Variants in ULK4 observed in about 807,000 individuals in gnomAD.
ULK4 encodes the protein inactive serine/threonine-protein kinase ULK4.
ULK4 carries 133 observed loss-of-function variants against 160.6 expected under a neutral mutation model. That is an observed-to-expected ratio of 0.83 (90% CI 0.72 to 0.96). ULK4 has a LOEUF of 0.96. ULK4 is among the 40% of genes least tolerant of loss of function. ULK4 has a pLI of 0.00. For synonymous variants in ULK4, 534 were observed against 539.8 expected, an observed-to-expected ratio of 0.99 and a Z score of 0.15; for missense variants, 1,580 against 1,499.5, an observed-to-expected ratio of 1.05 and a Z score of -0.89.
intron 35 of ULK4, among the ~76,000 whole-genome samples, chr3:41,288,065 AC>A (rs775577206): frequency 1.1e-4 from 17 of 152,232 alleles, no homozygotes; most frequent in Non-Finnish European, 2.2e-4. Flanking sequence ...TAAAGAGAAC[AC>A]GATGATTTCT....
chr3:41,643,145 T>C (rs2034311720), intron 30 of ULK4, among the ~76,000 whole-genome samples: 1 of 152,198 alleles, frequency 6.6e-6, no homozygotes, highest in South Asian at 2.1e-4. Flanking sequence ...GTAGGTTGCC[T>C]GTTCACTCTG....
At chr3:41,685,857 G>A (rs976230660) in intron 27 of ULK4, among the ~76,000 whole-genome samples, 1 of 151,902 alleles carries the variant, frequency 6.6e-6, no homozygotes, top group African/African-American at 2.4e-5. Flanking sequence ...AACTCTTTTG[G>A]CCTCATGTCA....
intron 32 of ULK4, among the ~76,000 whole-genome samples, chr3:41,511,261 C>T (rs563126696): frequency 1.2e-4 from 18 of 150,204 alleles, no homozygotes; most frequent in African/African-American, 3.7e-4. Flanking sequence ...CAAACCAAAA[C>T]ACAGCAGAAG....
chr3:41,419,964 A>G (rs1310243211), intron 34 of ULK4, among the ~76,000 whole-genome samples: 2 of 151,962 alleles, frequency 1.3e-5, no homozygotes, highest in Non-Finnish European at 2.9e-5. Context: ...AAAGGCTTCC[A>G]TATGCCTCCT....
chr3:41,391,735 T>A (rs2081961104), intron 35 of ULK4, among the ~76,000 whole-genome samples: 2 of 152,004 alleles, frequency 1.3e-5, no homozygotes, highest in Admixed American at 6.6e-5. Context: ...GATACCTATA[T>A]GAGAAATCAG....
chr3:41,830,848 A>C (rs566319957), intron 18 of ULK4, among the ~76,000 whole-genome samples: 58 of 152,064 alleles, frequency 3.8e-4, no homozygotes, highest in African/African-American at 1.4e-3. Context: ...GGGTATACAA[A>C]ACTTGTTAAG....
At chr3:41,262,387 T>C (rs182280018) in intron 35 of ULK4, among the ~76,000 whole-genome samples, 6 of 152,222 alleles carry the variant, frequency 3.9e-5, no homozygotes, top group Non-Finnish European at 8.8e-5. Flanking sequence ...ATTTCCAGAT[T>C]TGGAGATGCA....
chr3:41,878,940 T>C (rs1559624864), intron 17 of ULK4, among the ~76,000 whole-genome samples: 2 of 151,936 alleles, frequency 1.3e-5, no homozygotes, highest in African/African-American at 4.8e-5. Flanking sequence ...AGGGTCCACA[T>C]CTAAGCAGCC....
intron 31 of ULK4, among the ~76,000 whole-genome samples, chr3:41,588,541 A>G (rs1403737542): frequency 6.6e-6 from 1 of 152,214 alleles, no homozygotes; most frequent in Non-Finnish European, 1.5e-5. Context: ...AGAGAGGCCC[A>G]GGTCTCCTGT....
chr3:41,882,950 T>C (rs1054904676), intron 17 of ULK4, among the ~76,000 whole-genome samples: 17 of 152,086 alleles, frequency 1.1e-4, no homozygotes, highest in Admixed American at 5.9e-4. Context: ...CTGGGTACCA[T>C]CAGTAATCAT....
intron 34 of ULK4, among the ~76,000 whole-genome samples, chr3:41,403,385 A>C (rs944218237): frequency 4.6e-5 from 7 of 152,300 alleles, no homozygotes; most frequent in African/African-American, 1.4e-4. Flanking sequence ...TGAACATAAA[A>C]TTGTTCACAG....
In ULK4 at chr3:41,506,767, A is replaced by AAAAAAAAAAAAAAATATAT; in HGVS notation, c.3227-43515_3227-43514insATATATTTTTTTTTTTTTT. 1.6e-4 allele frequency among the ~76,000 whole-genome samples: 9 copies of AAAAAAAAAAAAAAATATAT among 56,792 alleles called. 1 individual carries two copies. The highest frequency in any genetic ancestry group is 8.2e-4 in the East Asian group (1 of 1,216). The allele number at this position is 56,792 out of a possible 152,430, so 37.3% of individuals were successfully genotyped here. ...AGCAATACACTGGAGTGTGATTTAA[A>AAAAAAAAAAAAAAATATAT]ATATATATATATATATATATATATA... On this transcript the variant is annotated intron_variant, in intron 32 of 36. Transcript: ENST00000301831.
chr3:41,674,752 G>A (rs952154662), intron 29 of ULK4, among the ~76,000 whole-genome samples: 6 of 152,140 alleles, frequency 3.9e-5, no homozygotes, highest in African/African-American at 1.2e-4. Context: ...TGCATGACAC[G>A]GATTTGACAC....
intron 34 of ULK4, among the ~76,000 whole-genome samples, chr3:41,434,782 T>C (rs950500988): frequency 9.8e-5 from 15 of 152,330 alleles, no homozygotes; most frequent in African/African-American, 3.4e-4. Flanking sequence ...TATTTTTTAT[T>C]ATTGTTTTAC....
At chr3:41,407,819 TC>T in intron 34 of ULK4, among the ~76,000 whole-genome samples, 1 of 151,724 alleles carries the variant, frequency 6.6e-6, no homozygotes, top group Non-Finnish European at 1.5e-5. Context: ...TGTCCACTCT[TC>T]CCATATTCAT....
At chr3:41,364,208 G>A (rs2081206114) in intron 35 of ULK4, among the ~76,000 whole-genome samples, 1 of 152,214 alleles carries the variant, frequency 6.6e-6, no homozygotes, top group Admixed American at 6.5e-5. Flanking sequence ...AAAGTGCTGG[G>A]ATTATAGGTG....
rs912567781 is a variant in ULK4, at chr3:41,829,422, T to A, written c.1764+6442A>T. ...TCTGACAAAGGGCTAATATCCAGAATCTACAATGAACTCAAATTTACAAGA... is the reference window on the plus strand; with the variant it reads ...TCTGACAAAGGGCTAATATCCAGAAACTACAATGAACTCAAATTTACAAGA... On this transcript the variant is annotated intron_variant, in intron 18 of 36. Coordinates refer to ENST00000301831, the MANE Select transcript of ULK4 (RefSeq NM_017886.4). Among the ~76,000 whole-genome samples, 29 of 143,388 alleles carry A rather than the reference T, an allele frequency of 2.0e-4. 2 individuals carry two copies. The highest frequency in any genetic ancestry group is 1.8e-4 in the Non-Finnish European group (12 of 65,844). 94.1% of individuals were successfully genotyped at this position (143,388 alleles called of 152,430 possible).
At chr3:41,810,488 T>C (rs1359858905) in intron 19 of ULK4, among the ~76,000 whole-genome samples, 2 of 152,194 alleles carry the variant, frequency 1.3e-5, no homozygotes, top group Non-Finnish European at 2.9e-5. Context: ...GTCAAGAATG[T>C]GGTCTGTTCT....
In ULK4 at chr3:41,500,792, G is replaced by A. The variant is rs561046777; in HGVS notation, c.3227-37539C>T. Among the ~76,000 whole-genome samples the A allele has an allele frequency of 1.0e-3, 159 of 152,148 alleles. 5 individuals are homozygous for A. In the South Asian group the frequency reaches 0.03, roughly 29 times the overall value. On this transcript the variant is annotated intron_variant, in intron 32 of 36. Coordinates refer to ENST00000301831, the MANE Select transcript of ULK4 (RefSeq NM_017886.4). The stretch of plus-strand genomic sequence containing the variant: ...CCAGCAGAGAGTATAGGCTCATGCC[G>A]GTCATATTAGTTTTTACTCCTCTTA...
Sources: gnomAD v4.1 joint callset for allele counts (sites outside exome capture counted in the v4.1 genomes callset) on GRCh38, gnomAD v4.1.1 for gene constraint, MANE v1.5 for transcripts, NCBI Gene and HGNC (gene_info 2026-07-23, HGNC 2026-07-21) for gene names.